FAM120C: variants seen among roughly 807,000 people sequenced by gnomAD.
FAM120C encodes constitutive coactivator of PPAR-gamma-like protein 2.
Under a neutral mutation model 71.2 loss-of-function variants are expected in FAM120C, and 14 were observed. The ratio of observed to expected loss-of-function variants is 0.20; its 90% CI spans 0.13 to 0.31. FAM120C has a LOEUF of 0.31. Ranked by LOEUF, FAM120C falls within the 10% of genes least tolerant of loss-of-function variation. FAM120C has a pLI of 1.00. For synonymous variants in FAM120C, 354 were observed against 353.2 expected (o/e 1.00, Z -0.03); for missense variants, 500 against 879.0 (o/e 0.57, Z 5.45).
At position 54,170,128 on chromosome X, in the gene FAM120C, A is replaced by T. The variant is rs782377008; in HGVS notation, c.700-10512T>A. Among the ~76,000 whole-genome samples the T allele has an allele frequency of 1.8e-5, 2 of 111,297 alleles. 1 individual carries two copies. Among genetic ancestry groups the T allele is most frequent in the East Asian group, 5.7e-4 (2 of 3,536 alleles). On this transcript the variant is annotated intron_variant, in intron 1 of 15. Transcript: ENST00000375180. ...TACTAATTTTAATTTGCGAGTACCC[A>T]ATTTTAGTACTTTTTTCTCTTTTCT...
chrX:54,151,120 TG>T (rs2067182614), intron 4 of FAM120C, 124 bp downstream of exon 4: 4 of 795,292 alleles, frequency 5.0e-6, no homozygotes, highest in Non-Finnish European at 5.5e-6. Context: ...AGCTCTCATT[TG>T]TAAGCATGGA....
At chrX:54,088,428 C>A (rs782514543) in intron 11 of FAM120C, among the ~76,000 whole-genome samples, 137 of 107,842 alleles carry the variant, frequency 1.3e-3, no homozygotes, top group African/African-American at 4.2e-3. Flanking sequence ...CCCGTCTCTA[C>A]TAAAAATACA....
rs1557121912 is a variant in FAM120C at position 54,085,841 on chromosome X, A to C, written c.2713T>G (p.Ser905Ala). The change falls in exon 13 of 16, where the codon TCT (serine) becomes GCT (alanine). Residue 905 changes from serine (S) to alanine (A), a missense_variant. This residue lies in a region of FAM120C where 34 missense variants were observed against 45.2 expected (regional missense o/e 0.75). Coordinates refer to ENST00000375180, the MANE Select transcript of FAM120C (RefSeq NM_017848.6). Reference sequence around the variant, plus strand: ...AAAGTAGGTGACGGAAGTAGAGCAGAAGGCGGTGGATGATTCATGTTGACT... The same window carrying C: ...AAAGTAGGTGACGGAAGTAGAGCAGCAGGCGGTGGATGATTCATGTTGACT... ...EGVNMNHPPP[S>A]ALLPSPTFVP... 3.3e-6 allele frequency: 4 copies of C among 1,211,517 alleles called. No individual in the cohort carries two copies. The Admixed American group carries it at 8.7e-5, about 26-fold the overall frequency.
In FAM120C at chrX:54,116,654, T is replaced by G; in HGVS notation, c.2203A>C (p.Lys735Gln). 1 of 1,211,636 alleles carries G rather than the reference T, an allele frequency of 8.3e-7. No homozygotes were observed. ...AGGAAGGCCCGCATCCTTCTGTTCT[T>G]GTCTTCAACTGCTTTGCCTAGCCAG... is the stretch of plus-strand genomic sequence containing the variant. ...KLWLGKAVED[K>Q]NRRMRAFLAC... The change falls in exon 10 of 16, where the codon AAG (lysine) becomes CAG (glutamine). Residue 735 changes from lysine to glutamine, a missense_variant. Physicochemically the swap from Lys to Gln is moderately conservative, Grantham distance 53. Around this residue, in one of 11 missense-constraint regions of FAM120C, gnomAD observed 104 missense variants for 254.5 expected, o/e 0.41. Coordinates refer to ENST00000375180, the MANE Select transcript of FAM120C (RefSeq NM_017848.6).
rs2067216978 is a variant in FAM120C at position 54,157,725 on chromosome X, G to C, written c.993C>G (p.Ser331Arg). 2 of 1,209,441 alleles carry C rather than the reference G, an allele frequency of 1.7e-6. No individual in the cohort carries two copies. The highest frequency in any genetic ancestry group is 2.2e-6 in the Non-Finnish European group (2 of 893,815). ...CAAGAGGATGTTCTGGTCCCAAGAG[G>C]CTCCAGTGAAAAGCAGCCAGGTCCT... Reference protein sequence around the residue: ...PDEDLAAFHWSLLGPEHPLAS... With the variant: ...PDEDLAAFHWRLLGPEHPLAS... Residue 331 changes from serine to arginine, a missense_variant, in exon 3 of 16, where the codon AGC (serine) becomes AGG (arginine). By Grantham distance (110) the Ser-to-Arg change is moderately radical (BLOSUM62 -1). Transcript: ENST00000375180.
chrX:54,100,844 C>T (rs2146575861), intron 10 of FAM120C, among the ~76,000 whole-genome samples: 1 of 111,978 alleles, frequency 8.9e-6, no homozygotes, highest in East Asian at 2.8e-4. Context: ...GTTGCTCAAA[C>T]TGGTTGGAAT....
At chrX:54,150,167 A>G (rs1372439995) in intron 4 of FAM120C, among the ~76,000 whole-genome samples, 3 of 112,041 alleles carry the variant, frequency 2.7e-5, no homozygotes, top group Non-Finnish European at 5.6e-5. Flanking sequence ...TCACAAGTTG[A>G]AAATATAGGT....
At chrX:54,149,511 C>T (rs782330955) in intron 4 of FAM120C, among the ~76,000 whole-genome samples, 4 of 110,383 alleles carry the variant, frequency 3.6e-5, no homozygotes, top group South Asian at 3.9e-4. Context: ...TGGTGGCGGG[C>T]GCCTGTAATT....
intron 10 of FAM120C, among the ~76,000 whole-genome samples, chrX:54,093,231 C>T (rs1245860102): frequency 8.9e-6 from 1 of 112,124 alleles, no homozygotes; most frequent in Non-Finnish European, 1.9e-5. Flanking sequence ...TCCTTCAAAG[C>T]AGAATTGTAC....
chrX:54,104,798 ACTCTGTCTCGGGGG>A (rs1557124569), intron 10 of FAM120C, among the ~76,000 whole-genome samples: 1 of 106,090 alleles, frequency 9.4e-6, no homozygotes, highest in African/African-American at 3.5e-5. Flanking sequence ...ACCGAGCGAG[ACTCTGTCTCGGGGG>A]GGGAAAAAAA....
At chrX:54,127,367 G>A (rs1027675951) in intron 9 of FAM120C, among the ~76,000 whole-genome samples, 10 of 108,788 alleles carry the variant, frequency 9.2e-5, no homozygotes, top group Admixed American at 4.0e-4. Context: ...CGAGGCGGGC[G>A]GATCACGAGG....
intron 4 of FAM120C, among the ~76,000 whole-genome samples, chrX:54,142,306 C>T (rs1603360771): frequency 2.7e-5 from 3 of 112,032 alleles, no homozygotes; most frequent in African/African-American, 3.2e-5. Context: ...CGCAAGGGGT[C>T]GGGGAATTCC....
chrX:54,074,430 CTTTTT>C (rs1238280139), intron 15 of FAM120C, among the ~76,000 whole-genome samples: 1 of 112,383 alleles, frequency 8.9e-6, no homozygotes, highest in Non-Finnish European at 1.9e-5. Flanking sequence ...CTTTTCTTTT[CTTTTT>C]GAGACAGAGT....
chrX:54,090,680 A>G (rs782538680), intron 11 of FAM120C, among the ~76,000 whole-genome samples: 1 of 111,695 alleles, frequency 9.0e-6, no homozygotes, highest in Admixed American at 9.6e-5. Context: ...AATGGGCTCA[A>G]TAAACAAACC....
chrX:54,146,085 C>CCT (rs1465905946), intron 4 of FAM120C, among the ~76,000 whole-genome samples: 1 of 109,094 alleles, frequency 9.2e-6, no homozygotes, highest in Non-Finnish European at 1.9e-5. Flanking sequence ...CATGTTCTCA[C>CCT]TAATAGGTGG....
chrX:54,169,513 A>C (rs1239252155), intron 1 of FAM120C, among the ~76,000 whole-genome samples: 3 of 111,551 alleles, frequency 2.7e-5, no homozygotes, highest in East Asian at 5.7e-4. Context: ...GTAACTTCAA[A>C]CTAGAGGCAA....
Position 54,091,342 on chromosome X carries a change from A to C in FAM120C, c.2397T>G (p.Leu799=). ...TFLAQAVSTQ[L]YEPDRLQELK... Reference sequence around the variant, plus strand: ...GTTCTTGGAGTCGATCTGGTTCATAAAGCTGGGTAGACACTGCCTGTGCAA... The same window carrying C: ...GTTCTTGGAGTCGATCTGGTTCATACAGCTGGGTAGACACTGCCTGTGCAA... The change falls in exon 11 of 16, where the codon CTT becomes CTG. Residue 799 remains leucine (L), a synonymous_variant. Transcript: ENST00000375180. 1 of 1,209,633 alleles carries C rather than the reference A, an allele frequency of 8.3e-7. No homozygotes were observed.
intron 12 of FAM120C, 105 bp from the exon 13 acceptor site, chrX:54,086,021 C>T (rs1174072765): frequency 5.7e-6 from 4 of 696,913 alleles, no homozygotes; most frequent in Non-Finnish European, 8.7e-6. Flanking sequence ...AATTCTATTC[C>T]CATTAAGTGA....
In FAM120C at chrX:54,127,132, C is replaced by T. The variant is rs1378551882; in HGVS notation, c.2062+5560G>A. Among the ~76,000 whole-genome samples the T allele has an allele frequency of 1.3e-4, 15 of 111,155 alleles. No homozygotes were observed. The East Asian group carries it at 4.0e-3, about 29-fold the overall frequency. On this transcript the variant is annotated intron_variant, in intron 9 of 15. Transcript: ENST00000375180. ...TAATCTCATTCATGAAGGTTCCATG[C>T]TCATGACCTAATTATCTCCCAAAGG...
Sources: gnomAD v4.1 joint callset for allele counts (sites outside exome capture counted in the v4.1 genomes callset) on GRCh38, gnomAD v4.1.1 for gene constraint, gnomAD v4.1.1 regional missense constraint, MANE v1.5 for transcripts, NCBI Gene and HGNC (gene_info 2026-07-23, HGNC 2026-07-21) for gene names.